Variants in RPH3AL observed in about 807,000 individuals in gnomAD.
RPH3AL encodes rabphilin 3A like (without C2 domains).
In RPH3AL, 38 loss-of-function variants were observed where a neutral mutation model predicts 43.1. That is an observed-to-expected ratio of 0.88 (90% CI 0.68 to 1.15). The LOEUF is 1.15. RPH3AL is among the 50% of genes most tolerant of loss of function. RPH3AL has a pLI of 0.00. For missense variants in RPH3AL, 462 were observed against 423.2 expected (o/e 1.09, Z -0.81); for synonymous variants, 189 against 176.3 (o/e 1.07, Z -0.57).
At chr17:275,748 T>C (rs1307391476) in intron 6 of RPH3AL, among the ~76,000 whole-genome samples, 3 of 152,220 alleles carry the variant, frequency 2.0e-5, no homozygotes, top group Non-Finnish European at 2.9e-5. Context: ...TGTTTCACCA[T>C]GTTGCCCAGG....
At chr17:233,720 G>C (rs1354113073) in intron 7 of RPH3AL, among the ~76,000 whole-genome samples, 1 of 152,208 alleles carries the variant, frequency 6.6e-6, no homozygotes, top group African/African-American at 2.4e-5. Flanking sequence ...TGTGAAACAA[G>C]AACGGTTTCA....
intron 5 of RPH3AL, among the ~76,000 whole-genome samples, chr17:312,254 T>C (rs960162045): frequency 6.6e-6 from 1 of 152,020 alleles, no homozygotes; most frequent in Non-Finnish European, 1.5e-5. Flanking sequence ...TGAACAATGA[T>C]CATGCCACTG....
chr17:258,063 G>A (rs187522672), intron 6 of RPH3AL, among the ~76,000 whole-genome samples: 18 of 151,990 alleles, frequency 1.2e-4, no homozygotes, highest in Middle Eastern at 3.4e-3. Context: ...GCTCACGCAC[G>A]CAGCAACCCG....
intron 5 of RPH3AL, among the ~76,000 whole-genome samples, chr17:308,722 G>A (rs1171666810): frequency 1.3e-5 from 2 of 152,160 alleles, no homozygotes; most frequent in African/African-American, 2.4e-5. Context: ...GAGGTCTGTG[G>A]GGGCCTGAGA....
At chr17:321,879 G>A (rs1332600873) in intron 3 of RPH3AL, among the ~76,000 whole-genome samples, 8 of 152,334 alleles carry the variant, frequency 5.3e-5, no homozygotes, top group African/African-American at 1.7e-4. Context: ...TGACGCTCAC[G>A]TACACAGAGA....
At chr17:338,937 A>G (rs145411174) in intron 1 of RPH3AL, 1,588 of 152,686 alleles carry the variant, frequency 0.01, 14 homozygotes, top group Middle Eastern at 0.03. Context: ...AGCGTCCCAC[A>G]CCCCTGCCTC....
chr17:220,264 A>G (rs878997457), intron 7 of RPH3AL, among the ~76,000 whole-genome samples: 4 of 147,464 alleles, frequency 2.7e-5, no homozygotes, highest in Non-Finnish European at 4.6e-5. Context: ...GAGACAATAG[A>G]CCCAAGAACA....
chr17:327,589 A>G lies in RPH3AL; in HGVS notation c.-36-10T>C, dbSNP rs774799278. ...GGGTGGGGAGTCACATCTGAGATGA[A>G]GGAGGGAAGACGAAAGAGTGTGCAT... is the stretch of plus-strand genomic sequence containing the variant. On this transcript the variant is annotated splice_polypyrimidine_tract_variant and intron_variant, in intron 2 of 9. Coordinates refer to ENST00000331302, the MANE Select transcript of RPH3AL (RefSeq NM_006987.4). 6.3e-7 allele frequency: 1 copy of G among 1,575,420 alleles called. No individual in the cohort carries two copies. Among genetic ancestry groups the G allele is most frequent in the Admixed American group, 1.7e-5 (1 of 59,888 alleles).
chr17:262,421 C>T (rs369840297), intron 6 of RPH3AL, among the ~76,000 whole-genome samples: 44 of 152,170 alleles, frequency 2.9e-4, no homozygotes, highest in South Asian at 1.7e-3. Flanking sequence ...TCACCATGTT[C>T]GCCGGGCTGG....
intron 1 of RPH3AL, among the ~76,000 whole-genome samples, chr17:341,802 C>G (rs574731507): frequency 6.6e-6 from 1 of 152,122 alleles, no homozygotes; most frequent in Non-Finnish European, 1.5e-5. Context: ...CCCACCTCGG[C>G]CCCCCAGATA....
chr17:321,690 G>A lies in RPH3AL; in HGVS notation c.78-275C>T, dbSNP rs537446510. 130 of 413,196 alleles carry A rather than the reference G, an allele frequency of 3.1e-4. 2 individuals carry two copies. Among genetic ancestry groups the A allele is most frequent in the African/African-American group, 2.4e-3 (111 of 46,888 alleles). The allele number at this position is 413,196 out of a possible 1,614,324, so 25.6% of individuals were successfully genotyped here. On this transcript the variant is annotated intron_variant, in intron 3 of 9. Transcript: ENST00000331302. ...AGAGACGGGGCAGGTGCTGTGTGCC[G>A]GGGACAAGGCACATGGGCAACAGAG...
Position 290,049 on chromosome 17 carries a change from CTA to C in RPH3AL, c.352-8197_352-8196del, listed in dbSNP as rs1356472483. On this transcript the variant is annotated intron_variant, in intron 5 of 9. Transcript: ENST00000331302. This position sits in a 1 kb window ranked among gnomAD's most constrained non-coding sequence, Gnocchi z 4.2. ...CTGCTCCCTGTGCCCGGCACAGTGACTATTTGCAGAAGAACGGATTGAACAAA... is the reference window on the plus strand; with the variant it reads ...CTGCTCCCTGTGCCCGGCACAGTGACTTTGCAGAAGAACGGATTGAACAAA... 6.6e-6 allele frequency among the ~76,000 whole-genome samples: 1 copy of C among 152,212 alleles called. No individual in the cohort carries two copies. The highest frequency in any genetic ancestry group is 1.9e-4 in the East Asian group (1 of 5,194).
intron 6 of RPH3AL, among the ~76,000 whole-genome samples, chr17:272,147 C>T (rs1330456233): frequency 1.3e-5 from 2 of 152,150 alleles, no homozygotes; most frequent in Non-Finnish European, 2.9e-5. Flanking sequence ...AACAATTTTA[C>T]ACTGTTGGGG....
intron 3 of RPH3AL, among the ~76,000 whole-genome samples, chr17:321,848 G>A (rs928570772): frequency 7.2e-5 from 11 of 152,222 alleles, no homozygotes; most frequent in African/African-American, 4.8e-5. Flanking sequence ...ACCTTAGCCC[G>A]GGAGCCAGAA....
At chr17:343,124 T>G (rs1054330486) in intron 1 of RPH3AL, among the ~76,000 whole-genome samples, 1 of 152,198 alleles carries the variant, frequency 6.6e-6, no homozygotes, top group Non-Finnish European at 1.5e-5. Flanking sequence ...GACAATGACC[T>G]TGCAAGGTCC....
At chr17:319,633 C>T (rs1407833304) in intron 4 of RPH3AL, 84 bp from the exon 5 acceptor site, 2 of 1,522,314 alleles carry the variant, frequency 1.3e-6, no homozygotes, top group Non-Finnish European at 1.8e-6. Context: ...TACCATGCCA[C>T]ATGTGCTGTC....
intron 7 of RPH3AL, among the ~76,000 whole-genome samples, chr17:241,402 T>TA (rs2041530472): frequency 6.6e-6 from 1 of 151,960 alleles, no homozygotes; most frequent in Non-Finnish European, 1.5e-5. Context: ...TCTCTAAAAT[T>TA]AAAAAAGTAA....
rs1567567506 is a variant in RPH3AL, at chr17:230,842, T to TTGTTG, written c.614-11107_614-11106insCAACA. Among the ~76,000 whole-genome samples, 58 of 151,934 alleles carry TTGTTG rather than the reference T, an allele frequency of 3.8e-4. No homozygotes were observed. In the South Asian group the frequency reaches 0.012, roughly 30 times the overall value. ...TCATCTCTTTGTGCCTCCCTTGTTT[T>TTGTTG]TTGTTGTTGTTGTTGTTGTTTTTCA... is the stretch of plus-strand genomic sequence containing the variant. On this transcript the variant is annotated intron_variant, in intron 7 of 9. Transcript: ENST00000331302.
chr17:260,592 C>T (rs1031560980), intron 6 of RPH3AL, among the ~76,000 whole-genome samples: 1 of 152,180 alleles, frequency 6.6e-6, no homozygotes, highest in African/African-American at 2.4e-5. Flanking sequence ...CGGGAAAAGA[C>T]CTGTGACTGA....
Sources: allele counts gnomAD v4.1 joint callset (sites outside exome capture counted in the v4.1 genomes callset), GRCh38; gene constraint gnomAD v4.1.1; non-coding constraint Gnocchi (gnomAD v3.1); transcripts MANE v1.5; gene names NCBI Gene and HGNC (gene_info 2026-07-23, HGNC 2026-07-21).